PKHD1L1: variants seen among roughly 807,000 people sequenced by gnomAD.
PKHD1L1 encodes fibrocystin-L.
In PKHD1L1, 434 loss-of-function variants were observed where a neutral mutation model predicts 462.9. The observed-to-expected ratio is 0.94, with a 90% CI of 0.87 to 1.02. The LOEUF (loss-of-function observed/expected upper bound fraction) is 1.02, where lower values mean the gene tolerates loss of function less well. Among genes scored for constraint, PKHD1L1 ranks in the 50% least tolerant of loss-of-function variants. The probability of loss-of-function intolerance (pLI) is 0.00; values close to 1 mark genes in which losing one functional copy is unlikely to be tolerated. For missense variants in PKHD1L1, 5,202 were observed against 5,096.1 expected (o/e 1.02, Z -0.63); for synonymous variants, 1,781 against 1,750.0 (o/e 1.02, Z -0.44).
chr8:109,406,227 T>C, intron 16 of PKHD1L1, 108 bp from the exon 17 acceptor site: 1 of 1,084,356 alleles, frequency 9.2e-7, no homozygotes, highest in African/African-American at 1.6e-5. Context: ...TGGTACAGAG[T>C]ATAGGTGCTT....
chr8:109,434,952 C>T (rs993231254), intron 28 of PKHD1L1, among the ~76,000 whole-genome samples: 1 of 152,004 alleles, frequency 6.6e-6, no homozygotes, highest in Admixed American at 6.6e-5. Flanking sequence ...AGATTGATTA[C>T]TTTGCTTTCA....
At chr8:109,470,844 A>T in intron 50 of PKHD1L1, 1 of 1,508,354 alleles carries the variant, frequency 6.6e-7, no homozygotes, top group Non-Finnish European at 9.1e-7. Context: ...TTACTTGGAT[A>T]AGTTCTTTAG....
chr8:109,497,550 C>T (rs991174736), intron 65 of PKHD1L1, among the ~76,000 whole-genome samples: 14 of 151,746 alleles, frequency 9.2e-5, no homozygotes, highest in African/African-American at 2.9e-4. Context: ...CCTCAGCCTC[C>T]CGAGTAGCTA....
chr8:109,518,597 T>C, intron 73 of PKHD1L1, 89 bp downstream of exon 73: 2 of 1,133,166 alleles, frequency 1.8e-6, no homozygotes, highest in Admixed American at 5.6e-5. Flanking sequence ...GAGCCTGGCC[T>C]CAGGAAATCC....
intron 43 of PKHD1L1, among the ~76,000 whole-genome samples, chr8:109,453,252 T>A (rs11778756): frequency 2.6e-5 from 4 of 151,994 alleles, no homozygotes; most frequent in Non-Finnish European, 4.4e-5. Flanking sequence ...TGAAAAACAC[T>A]GATGTAGTGG....
rs1443991835 is a variant in PKHD1L1 at position 109,479,993 on chromosome 8, A to G, written c.9181A>G (p.Thr3061Ala). The G allele has an allele frequency of 6.4e-7, 1 of 1,571,164 alleles. No individual in the cohort carries two copies. Among genetic ancestry groups the G allele is most frequent in the East Asian group, 2.3e-5 (1 of 44,128 alleles). ...TTTCTTAAAGTATTGTTTTATAGGAACATGGATTGTAGCTGACATAGATAT... is the reference window on the plus strand; with the variant it reads ...TTTCTTAAAGTATTGTTTTATAGGAGCATGGATTGTAGCTGACATAGATAT... ...PGANVIIPEG[T>A]WIVADIDMPS... The change falls in exon 55 of 78, where the codon ACA becomes GCA. Residue 3061 changes from threonine (T) to alanine (A), a missense_variant and splice_region_variant. Transcript: ENST00000378402.
At position 109,433,200 on chromosome 8, in the gene PKHD1L1, T is replaced by C. The variant is rs1815209546; in HGVS notation, c.3324T>C (p.Ser1108=). The C allele has an allele frequency of 6.2e-7, 1 of 1,611,880 alleles. No homozygotes were observed. The highest frequency in any genetic ancestry group is 8.5e-7 in the Non-Finnish European group (1 of 1,178,422). The stretch of plus-strand genomic sequence containing the variant: ...TCTCAGTTGGACCAGTAGGTTGTTC[T>C]CTTCTTTCTGTGGATGGTAGGTCCT... The part of the protein sequence containing the change: ...VTVSVGPVGC[S]LLSVDEKELK... The change falls in exon 28 of 78, where the codon TCT becomes TCC. Residue 1108 remains serine (S), a synonymous_variant. Coordinates refer to ENST00000378402, the MANE Select transcript of PKHD1L1 (RefSeq NM_177531.6).
rs977276391 is a variant in PKHD1L1, at chr8:109,492,081, T to C, written c.10236+87T>C. ...TAATAAAATGAGCTAACTAAAGGAGTGAATGCACTTTTAAAAAGATGATGT... is the reference window on the plus strand; with the variant it reads ...TAATAAAATGAGCTAACTAAAGGAGCGAATGCACTTTTAAAAAGATGATGT... On this transcript the variant is annotated intron_variant, in intron 62 of 77. Transcript: ENST00000378402. The C allele has an allele frequency of 1.8e-5, 19 of 1,071,522 alleles. No individual in the cohort carries two copies. The African/African-American group carries it at 2.6e-4, about 15-fold the overall frequency. The allele number at this position is 1,071,522 out of a possible 1,614,324, so 66.4% of individuals were successfully genotyped here.
rs771727179 is a variant in PKHD1L1, at chr8:109,430,009, C to T, written c.3201C>T (p.Pro1067=). 3 of 1,609,966 alleles carry T rather than the reference C, an allele frequency of 1.9e-6. No individual in the cohort carries two copies. The highest frequency in any genetic ancestry group is 2.5e-6 in the Non-Finnish European group (3 of 1,178,590). Residue 1067 remains proline, a synonymous_variant, in exon 27 of 78, where the codon CCC becomes CCT. Transcript: ENST00000378402. ...TTACATGGGATTCCAACATTACTCC[C>T]CTAGTCTTGGCGATAAGCCCTTCTC... ...CGFTWDSNIT[P]LVLAISPSQG...
intron 2 of PKHD1L1, among the ~76,000 whole-genome samples, chr8:109,380,570 A>T (rs931862833): frequency 6.6e-6 from 1 of 152,206 alleles, no homozygotes; most frequent in Non-Finnish European, 1.5e-5. Flanking sequence ...GAAAGTGCAG[A>T]AAAAGTTACT....
chr8:109,459,904 T>C (rs955896487), intron 47 of PKHD1L1, 68 bp downstream of exon 47: 139 of 1,350,580 alleles, frequency 1.0e-4, no homozygotes, highest in Non-Finnish European at 1.2e-4. Context: ...TTGGTTTATA[T>C]TGAAATACAT....
At chr8:109,396,817 C>T (rs1043572407) in intron 11 of PKHD1L1, among the ~76,000 whole-genome samples, 5 of 152,166 alleles carry the variant, frequency 3.3e-5, no homozygotes, top group Non-Finnish European at 5.9e-5. Context: ...GGATGCCTGC[C>T]CATGCAACAA....
intron 34 of PKHD1L1, among the ~76,000 whole-genome samples, chr8:109,441,585 T>C (rs1165062675): frequency 2.0e-5 from 3 of 152,170 alleles, no homozygotes; most frequent in Non-Finnish European, 4.4e-5. Context: ...TACTTTGCAA[T>C]TTCCAACTTC....
In PKHD1L1 at chr8:109,533,901, C is replaced by G. The variant is rs1350698644; in HGVS notation, c.*3811C>G. On this transcript the variant is annotated 3_prime_UTR_variant, in exon 78 of 78. Transcript: ENST00000378402. ...TGTGAAGAATATTTTTATACCTCTT[C>G]CAGAACCCAGAGAGCTCAGCTGAAA... 6.6e-6 allele frequency among the ~76,000 whole-genome samples: 1 copy of G among 152,188 alleles called. No individual in the cohort carries two copies. Among genetic ancestry groups the G allele is most frequent in the African/African-American group, 2.4e-5 (1 of 41,438 alleles).
Position 109,464,537 on chromosome 8 carries a change from A to G in PKHD1L1, c.7705A>G (p.Asn2569Asp). 1.2e-6 allele frequency: 2 copies of G among 1,613,744 alleles called. No homozygotes were observed. Among genetic ancestry groups the G allele is most frequent in the Non-Finnish European group, 1.7e-6 (2 of 1,179,792 alleles). Residue 2569 changes from asparagine to aspartate, a missense_variant, in exon 49 of 78, where the codon AAT becomes GAT. Around this residue, in one of 3 missense-constraint regions of PKHD1L1, gnomAD observed 4,497 missense variants for 4,336.8 expected, o/e 1.04. Coordinates refer to ENST00000378402, the MANE Select transcript of PKHD1L1 (RefSeq NM_177531.6). The stretch of plus-strand genomic sequence containing the variant: ...TGCATTTTGGGTCACCAACCCGAAC[A>G]ATACCATACGACACAATGCTGTTGC... Reference protein sequence around the residue: ...PAAFWVTNPNNTIRHNAVAGG... With the variant: ...PAAFWVTNPNDTIRHNAVAGG...
intron 76 of PKHD1L1, among the ~76,000 whole-genome samples, chr8:109,524,213 G>C (rs1007196012): frequency 6.6e-5 from 10 of 152,084 alleles, no homozygotes; most frequent in African/African-American, 2.4e-4. Flanking sequence ...AAGATAGTTA[G>C]GGGCCTTAAC....
At chr8:109,452,918 A>T (rs2130792145) in intron 43 of PKHD1L1, 44 bp downstream of exon 43, 1 of 1,282,526 alleles carries the variant, frequency 7.8e-7, no homozygotes, top group African/African-American at 1.5e-5. Context: ...CCTGATAAAT[A>T]TTTCTGTGAA....
intron 61 of PKHD1L1, 84 bp downstream of exon 61, chr8:109,491,185 G>A (rs1818806825): frequency 7.6e-7 from 1 of 1,322,000 alleles, no homozygotes; most frequent in Non-Finnish European, 1.0e-6. Context: ...CTGCCCAATT[G>A]ATCTTTCTGT....
Position 109,451,414 on chromosome 8 carries a change from A to T in PKHD1L1, c.6350+265A>T, listed in dbSNP as rs556995818. 6.6e-5 allele frequency among the ~76,000 whole-genome samples: 10 copies of T among 152,276 alleles called. No homozygotes were observed. The East Asian group carries it at 1.9e-3, about 29-fold the overall frequency. Reference sequence around the variant, plus strand: ...TCGTTTTATGGTTAGAAGACAGATTAAACAGGTTAGACATCTTGCCCCCAA... The same window carrying T: ...TCGTTTTATGGTTAGAAGACAGATTTAACAGGTTAGACATCTTGCCCCCAA... On this transcript the variant is annotated intron_variant, in intron 41 of 77. Transcript: ENST00000378402.
Sources: gnomAD v4.1 joint callset for allele counts (sites outside exome capture counted in the v4.1 genomes callset) on GRCh38, gnomAD v4.1.1 for gene constraint, gnomAD v4.1.1 regional missense constraint, MANE v1.5 for transcripts, NCBI Gene and HGNC (gene_info 2026-07-23, HGNC 2026-07-21) for gene names.